The following PARD3B variants were observed in gnomAD, a reference collection of about 807,000 sequenced individuals.
PARD3B encodes the protein par-3 family cell polarity regulator beta.
In PARD3B, 103 loss-of-function variants were observed where a neutral mutation model predicts 130.2. The ratio of observed to expected loss-of-function variants is 0.79; its 90% CI spans 0.67 to 0.93. PARD3B has a LOEUF of 0.93. Ranked by LOEUF, PARD3B falls within the 40% of genes least tolerant of loss-of-function variation. PARD3B has a pLI of 0.00. For missense variants in PARD3B, 1,609 were observed against 1,499.2 expected, an observed-to-expected ratio of 1.07 and a Z score of -1.21; for synonymous variants, 583 against 553.2, an observed-to-expected ratio of 1.05 and a Z score of -0.76.
chr2:204,550,981 G>A (rs2030414742), intron 1 of PARD3B, among the ~76,000 whole-genome samples: 1 of 152,140 alleles, frequency 6.6e-6, no homozygotes, highest in Non-Finnish European at 1.5e-5. Context: ...TCAATTGATT[G>A]GGCACTGACT....
At chr2:204,692,539 T>A (rs2037402849) in intron 2 of PARD3B, among the ~76,000 whole-genome samples, 1 of 151,920 alleles carries the variant, frequency 6.6e-6, no homozygotes, top group South Asian at 2.1e-4. Context: ...TTTCATTTCT[T>A]AGCCCTCATT....
intron 18 of PARD3B, among the ~76,000 whole-genome samples, chr2:205,344,985 A>G (rs2043696740): frequency 6.6e-6 from 1 of 152,190 alleles, no homozygotes; most frequent in Non-Finnish European, 1.5e-5. Flanking sequence ...AACAATTTTA[A>G]TGTATTTTTC....
intron 3 of PARD3B, among the ~76,000 whole-genome samples, chr2:205,030,706 G>A (rs902162614): frequency 2.0e-5 from 3 of 151,854 alleles, no homozygotes; most frequent in Admixed American, 1.3e-4. Context: ...TAAACATAAG[G>A]GCTTATGAAA....
chr2:205,224,712 A>G (rs1427426676), intron 15 of PARD3B, among the ~76,000 whole-genome samples: 1 of 152,042 alleles, frequency 6.6e-6, no homozygotes, highest in African/African-American at 2.4e-5. Flanking sequence ...ATTTAACATA[A>G]TGACCTCCAG....
chr2:204,895,602 T>C (rs2046614008), intron 2 of PARD3B, among the ~76,000 whole-genome samples: 1 of 152,146 alleles, frequency 6.6e-6, no homozygotes. Flanking sequence ...TTACTGAACA[T>C]TTATTGTTTT....
At chr2:204,613,576 A>G (rs2034006438) in intron 1 of PARD3B, among the ~76,000 whole-genome samples, 1 of 151,802 alleles carries the variant, frequency 6.6e-6, no homozygotes, top group Non-Finnish European at 1.5e-5. Context: ...GCACTCTTCT[A>G]ATTTTCTTTT....
intron 18 of PARD3B, among the ~76,000 whole-genome samples, chr2:205,333,114 A>G (rs1054517281): frequency 6.6e-6 from 1 of 152,186 alleles, no homozygotes; most frequent in African/African-American, 2.4e-5. Context: ...ATGAAAGTAC[A>G]TACTACCCCA....
At chr2:205,248,638 G>A in intron 16 of PARD3B, among the ~76,000 whole-genome samples, 1 of 135,854 alleles carries the variant, frequency 7.4e-6, no homozygotes, top group South Asian at 2.4e-4. Flanking sequence ...AGACGGAGTG[G>A]CTCTGTCCGC....
At chr2:205,521,539 A>G (rs1339495670) in intron 21 of PARD3B, among the ~76,000 whole-genome samples, 3 of 136,644 alleles carry the variant, frequency 2.2e-5, no homozygotes, top group African/African-American at 8.1e-5. Flanking sequence ...ACATCTATCA[A>G]GATGATTATA....
At chr2:205,595,187 A>G (rs986788940) in intron 22 of PARD3B, among the ~76,000 whole-genome samples, 3 of 152,090 alleles carry the variant, frequency 2.0e-5, no homozygotes, top group Non-Finnish European at 4.4e-5. Context: ...ACTCTCTCCC[A>G]GTGCACTGAT....
At chr2:205,052,186 A>T (rs919070016) in intron 4 of PARD3B, among the ~76,000 whole-genome samples, 1 of 151,934 alleles carries the variant, frequency 6.6e-6, no homozygotes, top group Admixed American at 6.6e-5. Flanking sequence ...ATATCCGGTT[A>T]ACTAGCAAGG....
rs769375240 is a variant in PARD3B, at chr2:204,686,209, A to G, written c.149A>G (p.His50Arg). 2 of 1,612,208 alleles carry G rather than the reference A, an allele frequency of 1.2e-6. No individual in the cohort carries two copies. The highest frequency in any genetic ancestry group is 1.3e-5 in the African/African-American group (1 of 74,954). The change falls in exon 2 of 23, where the codon CAC becomes CGC. Residue 50 changes from histidine (H) to arginine (R), a missense_variant. His to Arg is a conservative substitution (Grantham distance 29). Transcript: ENST00000406610. ...CCTGGTTACTGGGTGAAGATTCATCACTTAGAATATACAGATGGAGGAATC... is the reference window on the plus strand; with the variant it reads ...CCTGGTTACTGGGTGAAGATTCATCGCTTAGAATATACAGATGGAGGAATC... ...KGPGYWVKIH[H>R]LEYTDGGILD...
At chr2:204,817,303 A>T (rs892944186) in intron 2 of PARD3B, among the ~76,000 whole-genome samples, 2 of 151,216 alleles carry the variant, frequency 1.3e-5, no homozygotes, top group African/African-American at 4.9e-5. Flanking sequence ...GGCACTGGAT[A>T]TTATTTTTAT....
At chr2:204,766,984 A>ATTTTTTT (rs1359622559) in intron 2 of PARD3B, among the ~76,000 whole-genome samples, 3 of 65,392 alleles carry the variant, frequency 4.6e-5, no homozygotes, top group African/African-American at 9.8e-5. Context: ...TTTTTTTCAC[A>ATTTTTTT]TTTTTTATTT....
intron 18 of PARD3B, among the ~76,000 whole-genome samples, chr2:205,399,296 G>A (rs987520348): frequency 1.3e-5 from 2 of 151,884 alleles, no homozygotes; most frequent in African/African-American, 4.8e-5. Context: ...AAAAATCTAG[G>A]AATCTCCCCA....
At chr2:204,617,169 G>A (rs2034141132) in intron 1 of PARD3B, among the ~76,000 whole-genome samples, 1 of 152,056 alleles carries the variant, frequency 6.6e-6, no homozygotes, top group Non-Finnish European at 1.5e-5. Context: ...GCAGAGTTAG[G>A]GGTTACATTA....
chr2:204,755,423 A>C (rs1029401280), intron 2 of PARD3B, among the ~76,000 whole-genome samples: 6 of 152,146 alleles, frequency 3.9e-5, no homozygotes, highest in Non-Finnish European at 5.9e-5. Flanking sequence ...TGTGTGACAC[A>C]AGTCACATTA....
chr2:204,550,597 TCTGA>T (rs1436322431), intron 1 of PARD3B, among the ~76,000 whole-genome samples: 1 of 152,234 alleles, frequency 6.6e-6, no homozygotes, highest in Non-Finnish European at 1.5e-5. Flanking sequence ...AATTTGTGGC[TCTGA>T]CTGCGTATGT....
At chr2:205,578,284 A>G (rs535032723) in intron 22 of PARD3B, among the ~76,000 whole-genome samples, 1 of 152,334 alleles carries the variant, frequency 6.6e-6, no homozygotes, top group East Asian at 1.9e-4. Flanking sequence ...CAATGTGGTA[A>G]CTAGAGTTTC....
Sources: gnomAD v4.1 joint callset for allele counts (sites outside exome capture counted in the v4.1 genomes callset) on GRCh38, gnomAD v4.1.1 for gene constraint, MANE v1.5 for transcripts, NCBI Gene and HGNC (gene_info 2026-07-23, HGNC 2026-07-21) for gene names.